Variants in EPB41L4A observed in about 807,000 individuals in gnomAD.
EPB41L4A encodes the protein band 4.1-like protein 4A.
Under a neutral mutation model 108.6 loss-of-function variants are expected in EPB41L4A, and 100 were observed. That is an observed-to-expected ratio of 0.92 (90% confidence interval 0.78 to 1.09). EPB41L4A has a LOEUF of 1.09. Among genes scored for constraint, EPB41L4A ranks in the 50% least tolerant of loss-of-function variants. EPB41L4A has a pLI of 0.00. For missense variants in EPB41L4A, 1,030 were observed against 842.7 expected (o/e 1.22, Z -2.75); for synonymous variants, 319 against 289.0 (o/e 1.10, Z -1.05).
intron 1 of EPB41L4A, among the ~76,000 whole-genome samples, chr5:112,388,006 A>G (rs955831940): frequency 2.0e-5 from 3 of 152,246 alleles, no homozygotes; most frequent in African/African-American, 7.2e-5. Flanking sequence ...GAGGACTGAC[A>G]GAAATTTTAA....
chr5:112,244,973 C>A (rs533653610), intron 9 of EPB41L4A, among the ~76,000 whole-genome samples: 35 of 151,984 alleles, frequency 2.3e-4, no homozygotes, highest in African/African-American at 8.4e-4. Flanking sequence ...GCAAGAATTA[C>A]CAAAATGTGA....
chr5:112,418,539 C>T (rs986350305), intron 1 of EPB41L4A, among the ~76,000 whole-genome samples: 5 of 152,158 alleles, frequency 3.3e-5, no homozygotes, highest in Admixed American at 1.3e-4. Flanking sequence ...CCTAATAACA[C>T]TGTCAAGGAA....
chr5:112,185,767 A>G (rs1429036899), intron 17 of EPB41L4A, among the ~76,000 whole-genome samples: 1 of 152,196 alleles, frequency 6.6e-6, no homozygotes, highest in Non-Finnish European at 1.5e-5. Flanking sequence ...GAGAAGGTAT[A>G]CTACTTGAGG....
At chr5:112,293,707 A>C (rs571725586) in intron 2 of EPB41L4A, among the ~76,000 whole-genome samples, 1 of 152,304 alleles carries the variant, frequency 6.6e-6, no homozygotes, top group African/African-American at 2.4e-5. Flanking sequence ...CAGTGAGGAA[A>C]GCATGCAGTG....
intron 12 of EPB41L4A, among the ~76,000 whole-genome samples, chr5:112,149,651 G>A (rs1230450264): frequency 1.3e-5 from 2 of 152,174 alleles, no homozygotes; most frequent in African/African-American, 4.8e-5. Flanking sequence ...GGTGCTTTGT[G>A]CCTGCAATAT....
chr5:112,284,732 C>T (rs1753173590), intron 2 of EPB41L4A, among the ~76,000 whole-genome samples: 1 of 152,184 alleles, frequency 6.6e-6, no homozygotes, highest in Admixed American at 6.5e-5. Context: ...TCGGACTCTG[C>T]CCCTTTGCCA....
chr5:112,368,717 T>C (rs374773765), intron 1 of EPB41L4A, among the ~76,000 whole-genome samples: 1 of 152,198 alleles, frequency 6.6e-6, no homozygotes, highest in African/African-American at 2.4e-5. Context: ...GCATCTGGCA[T>C]CATTGACCTG....
chr5:112,264,380 C>T (rs1751702338), intron 6 of EPB41L4A: 1 of 152,330 alleles, frequency 6.6e-6, no homozygotes, highest in Admixed American at 6.5e-5. Flanking sequence ...TTGCTATGGC[C>T]TGAATAGGAC....
At chr5:112,355,960 G>A (rs1758335522) in intron 1 of EPB41L4A, among the ~76,000 whole-genome samples, 1 of 152,110 alleles carries the variant, frequency 6.6e-6, no homozygotes, top group Non-Finnish European at 1.5e-5. Flanking sequence ...GATCCAGTAA[G>A]TCCACGAACC....
At chr5:112,328,583 AT>A (rs1293970630) in intron 1 of EPB41L4A, among the ~76,000 whole-genome samples, 1 of 152,186 alleles carries the variant, frequency 6.6e-6, no homozygotes, top group Admixed American at 6.5e-5. Flanking sequence ...GCTAGAACCC[AT>A]TTCTCCTGAC....
chr5:112,184,605 T>G (rs1213188862), intron 17 of EPB41L4A, among the ~76,000 whole-genome samples: 1 of 152,212 alleles, frequency 6.6e-6, no homozygotes, highest in Non-Finnish European at 1.5e-5. Flanking sequence ...TAATTCCCAT[T>G]TTTTGAGAGA....
chr5:112,246,688 A>G (rs1191220857), intron 9 of EPB41L4A, among the ~76,000 whole-genome samples: 1 of 152,218 alleles, frequency 6.6e-6, no homozygotes, highest in Non-Finnish European at 1.5e-5. Flanking sequence ...ACACAAACGC[A>G]TATCTGACTC....
intron 1 of EPB41L4A, among the ~76,000 whole-genome samples, chr5:112,391,674 A>T (rs1463493098): frequency 1.3e-5 from 2 of 152,224 alleles, no homozygotes; most frequent in African/African-American, 4.8e-5. Context: ...ATTATCCAGG[A>T]GAACTTTCCC....
At chr5:112,393,402 A>C (rs1761089881) in intron 1 of EPB41L4A, among the ~76,000 whole-genome samples, 1 of 152,146 alleles carries the variant, frequency 6.6e-6, no homozygotes, top group Admixed American at 6.5e-5. Flanking sequence ...AAAATGATAA[A>C]GGGGATACCA....
intron 18 of EPB41L4A, among the ~76,000 whole-genome samples, chr5:112,172,944 T>C (rs1227226404): frequency 1.3e-5 from 2 of 152,220 alleles, no homozygotes; most frequent in Non-Finnish European, 2.9e-5. Context: ...CATTGTAGCA[T>C]GATCAGTAGC....
At chr5:112,195,263 G>A (rs1298411824) in intron 16 of EPB41L4A, among the ~76,000 whole-genome samples, 1 of 151,984 alleles carries the variant, frequency 6.6e-6, no homozygotes. Flanking sequence ...ATGCCAACAC[G>A]AAAGAGAAAG....
intron 1 of EPB41L4A, among the ~76,000 whole-genome samples, chr5:112,403,092 A>G (rs778057710): frequency 1.4e-4 from 21 of 152,068 alleles, no homozygotes; most frequent in Admixed American, 5.9e-4. Flanking sequence ...AGGAGCCTCT[A>G]GTTTTTTCAC....
chr5:112,323,432 C>G (rs986684476), intron 1 of EPB41L4A, among the ~76,000 whole-genome samples: 3 of 152,218 alleles, frequency 2.0e-5, no homozygotes, highest in Non-Finnish European at 4.4e-5. Context: ...TCTACATTAA[C>G]ATGACTTCAC....
intron 1 of EPB41L4A, among the ~76,000 whole-genome samples, chr5:112,310,824 C>A (rs1252331931): frequency 2.0e-5 from 3 of 152,146 alleles, no homozygotes; most frequent in African/African-American, 7.2e-5. Flanking sequence ...CCCAGAATAA[C>A]TGACAGCCAG....
Sources: gnomAD v4.1 joint callset for allele counts (sites outside exome capture counted in the v4.1 genomes callset) on GRCh38, gnomAD v4.1.1 for gene constraint, MANE v1.5 for transcripts, NCBI Gene and HGNC (gene_info 2026-07-23, HGNC 2026-07-21) for gene names.